PRDM16: variants seen among roughly 807,000 people sequenced by gnomAD.
PRDM16 encodes the protein histone-lysine N-methyltransferase PRDM16.
Under a neutral mutation model 110.6 loss-of-function variants are expected in PRDM16, and 23 were observed. The ratio of observed to expected loss-of-function variants is 0.21; its 90% CI spans 0.15 to 0.29. The LOEUF is 0.29. Among genes scored for constraint, PRDM16 ranks in the 10% least tolerant of loss-of-function variants. PRDM16 has a pLI of 1.00. For missense variants in PRDM16, 1,615 were observed against 1,794.3 expected, an observed-to-expected ratio of 0.90 and a Z score of 1.81; for synonymous variants, 799 against 781.8, an observed-to-expected ratio of 1.02 and a Z score of -0.37.
intron 3 of PRDM16, among the ~76,000 whole-genome samples, chr1:3,303,669 C>T (rs1322859536): frequency 1.3e-5 from 2 of 152,256 alleles, no homozygotes; most frequent in Non-Finnish European, 2.9e-5. Flanking sequence ...CACCGGTTCA[C>T]ATTCCCACCA....
At position 3,121,030 on chromosome 1, in the gene PRDM16, G is replaced by A. The variant is rs1007697590; in HGVS notation, c.37+51734G>A. Reference sequence around the variant, plus strand: ...TGTTAGAATCTTGTGCTGGGACAAGGTGAGCGTGTGGTTTCTCCCCCTTTC... The same window carrying A: ...TGTTAGAATCTTGTGCTGGGACAAGATGAGCGTGTGGTTTCTCCCCCTTTC... On this transcript the variant is annotated intron_variant, in intron 1 of 16. Transcript: ENST00000270722. 3.3e-5 allele frequency among the ~76,000 whole-genome samples: 5 copies of A among 152,244 alleles called. 1 individual carries two copies. The South Asian group carries it at 1.0e-3, about 31-fold the overall frequency.
Position 3,244,156 on chromosome 1 carries a change from C to T in PRDM16, c.438+19C>T, listed in dbSNP as rs369171650. On this transcript the variant is annotated intron_variant, in intron 3 of 16. Coordinates refer to ENST00000270722, the MANE Select transcript of PRDM16 (RefSeq NM_022114.4). The surrounding 1 kb of genome is among the most constrained non-coding windows in gnomAD (Gnocchi z 4.1). The stretch of plus-strand genomic sequence containing the variant: ...CACAAAGGTAGGAGAGCTCGCCCTG[C>T]GCCGTCTCAGCTCCCCAGCGTCCTC... The T allele has an allele frequency of 2.9e-4, 461 of 1,612,698 alleles. 8 individuals are homozygous for T. In the South Asian group the frequency reaches 4.1e-3, roughly 14 times the overall value.
chr1:3,394,848 A>ATT (rs35210583), intron 4 of PRDM16, among the ~76,000 whole-genome samples: 7,155 of 151,074 alleles, frequency 0.047, 254 homozygotes, highest in African/African-American at 0.1. Context: ...CCACTGTGTG[A>ATT]TTTTTTTTTT....
intron 2 of PRDM16, among the ~76,000 whole-genome samples, chr1:3,223,742 A>G (rs1639225291): frequency 6.6e-6 from 1 of 151,866 alleles, no homozygotes; most frequent in Non-Finnish European, 1.5e-5. Flanking sequence ...ACGCGATACC[A>G]GGGCTGGGGA....
chr1:3,086,402 A>G (rs1371359055), intron 1 of PRDM16, among the ~76,000 whole-genome samples: 2 of 152,040 alleles, frequency 1.3e-5, no homozygotes, highest in African/African-American at 2.4e-5. Flanking sequence ...TTGGTCAGGA[A>G]AGCTGCCACG....
chr1:3,232,935 A>G (rs1639450089), intron 2 of PRDM16, among the ~76,000 whole-genome samples: 1 of 152,220 alleles, frequency 6.6e-6, no homozygotes, highest in African/African-American at 2.4e-5. Context: ...ACTTATGATT[A>G]TTAAGAATTA....
chr1:3,149,878 C>T (rs531120957), intron 1 of PRDM16, among the ~76,000 whole-genome samples: 23 of 152,318 alleles, frequency 1.5e-4, no homozygotes, highest in Non-Finnish European at 2.9e-4. Flanking sequence ...TTCTGAGATG[C>T]GTGTACTCCT....
At chr1:3,139,380 T>A (rs1472017839) in intron 1 of PRDM16, among the ~76,000 whole-genome samples, 3 of 152,216 alleles carry the variant, frequency 2.0e-5, no homozygotes, top group Non-Finnish European at 4.4e-5. Flanking sequence ...AGACTGAGGC[T>A]TAATAACGAA....
At chr1:3,110,297 C>A (rs112423613) in intron 1 of PRDM16, among the ~76,000 whole-genome samples, 9 of 97,926 alleles carry the variant, frequency 9.2e-5, no homozygotes, top group Non-Finnish European at 1.2e-4. Context: ...ACAGTGTCTG[C>A]GGCTCCCCCA....
intron 3 of PRDM16, among the ~76,000 whole-genome samples, chr1:3,366,891 G>C (rs1002695661): frequency 1.3e-5 from 2 of 152,204 alleles, no homozygotes; most frequent in African/African-American, 4.8e-5. Flanking sequence ...AGAGAACTTT[G>C]TAGCATCCCG....
chr1:3,131,018 G>A (rs1346838107), intron 1 of PRDM16, among the ~76,000 whole-genome samples: 2 of 152,082 alleles, frequency 1.3e-5, no homozygotes, highest in South Asian at 2.1e-4. Flanking sequence ...TGCAGACCGC[G>A]GGAGGGACGC....
chr1:3,387,375 C>T (rs1019723022), intron 4 of PRDM16, among the ~76,000 whole-genome samples: 2 of 152,224 alleles, frequency 1.3e-5, no homozygotes, highest in Non-Finnish European at 2.9e-5. Flanking sequence ...GAATTAAAGC[C>T]ACAAACCCAG....
At chr1:3,267,747 C>T (rs1640328779) in intron 3 of PRDM16, among the ~76,000 whole-genome samples, 1 of 152,204 alleles carries the variant, frequency 6.6e-6, no homozygotes, top group Admixed American at 6.5e-5. Context: ...AGAGCGCCAG[C>T]CTCTCCCTCA....
chr1:3,295,876 G>A (rs1002757180), intron 3 of PRDM16, among the ~76,000 whole-genome samples: 2 of 152,150 alleles, frequency 1.3e-5, no homozygotes. Context: ...GCTGTGCATG[G>A]TGAGAACTGG....
chr1:3,425,299 C>T lies in PRDM16; in HGVS notation c.2940-282C>T, dbSNP rs1430967306. On this transcript the variant is annotated intron_variant, in intron 12 of 16. Transcript: ENST00000270722. This position sits in a 1 kb window ranked among gnomAD's most constrained non-coding sequence, Gnocchi z 6.9. ...TTCACCATGTCAGCCAGGATGGTCT[C>T]GATCTCCTGACCTCGTGATCCACCC... The T allele has an allele frequency of 4.3e-5, 12 of 279,716 alleles. No homozygotes were observed. Among genetic ancestry groups the T allele is most frequent in the East Asian group, 1.4e-4 (2 of 14,592 alleles). The allele number at this position is 279,716 out of a possible 1,614,324, so 17.3% of individuals were successfully genotyped here. A position where few individuals can be genotyped will look rare whatever the true frequency, so the allele number is the denominator to read the frequency against.
At chr1:3,366,436 C>CT (rs1569579932) in intron 3 of PRDM16, among the ~76,000 whole-genome samples, 1 of 152,218 alleles carries the variant, frequency 6.6e-6, no homozygotes, top group Non-Finnish European at 1.5e-5. Flanking sequence ...CCGGGACACT[C>CT]TCTTCCCACC....
At chr1:3,150,647 G>A (rs190129912) in intron 1 of PRDM16, among the ~76,000 whole-genome samples, 13 of 152,166 alleles carry the variant, frequency 8.5e-5, no homozygotes, top group African/African-American at 2.9e-4. Context: ...CACCCACTGC[G>A]GACTCCCCTT....
intron 1 of PRDM16, among the ~76,000 whole-genome samples, chr1:3,147,426 C>T (rs529091539): frequency 2.0e-5 from 3 of 152,078 alleles, no homozygotes; most frequent in Non-Finnish European, 1.5e-5. Context: ...CTGGGGCCTC[C>T]GACCAGGTGC....
At chr1:3,323,696 C>T (rs1199629284) in intron 3 of PRDM16, among the ~76,000 whole-genome samples, 13 of 152,256 alleles carry the variant, frequency 8.5e-5, no homozygotes, top group Admixed American at 2.0e-4. Flanking sequence ...CGCACTTCCC[C>T]GCAGGCCTGG....
Sources: gnomAD v4.1 joint callset for allele counts (sites outside exome capture counted in the v4.1 genomes callset) on GRCh38, gnomAD v4.1.1 for gene constraint, Gnocchi (gnomAD v3.1) non-coding constraint, MANE v1.5 for transcripts, NCBI Gene and HGNC (gene_info 2026-07-23, HGNC 2026-07-21) for gene names.